Variants in GOLIM4 observed in about 807,000 individuals in gnomAD.
GOLIM4 encodes 130 kDa golgi-localized phosphoprotein.
In GOLIM4, 71 loss-of-function variants were observed where a neutral mutation model predicts 107.4. The observed-to-expected ratio is 0.66, with a 90% confidence interval of 0.55 to 0.81. The LOEUF is 0.81. Among genes scored for constraint, GOLIM4 ranks in the 30% least tolerant of loss-of-function variants. The pLI, the probability that GOLIM4 is intolerant of heterozygous loss-of-function variation, is 0.00. For missense variants in GOLIM4, 830 were observed against 826.1 expected (o/e 1.00, Z -0.06); for synonymous variants, 327 against 294.8 (o/e 1.11, Z -1.12).
intron 9 of GOLIM4, among the ~76,000 whole-genome samples, chr3:168,031,807 C>A (rs879944461): frequency 6.6e-6 from 1 of 152,148 alleles, no homozygotes; most frequent in Admixed American, 6.5e-5. Context: ...ATGTAAAGGC[C>A]AGGTAACCTA....
chr3:168,092,181 A>G (rs1721949419), intron 1 of GOLIM4, among the ~76,000 whole-genome samples: 1 of 152,250 alleles, frequency 6.6e-6, no homozygotes, highest in African/African-American at 2.4e-5. Flanking sequence ...TAAAGGTTAT[A>G]TAAACACTGT....
intron 1 of GOLIM4, among the ~76,000 whole-genome samples, chr3:168,048,887 A>G (rs1719467595): frequency 6.6e-6 from 1 of 152,132 alleles, no homozygotes; most frequent in Non-Finnish European, 1.5e-5. Context: ...ATACCACTGG[A>G]ATGAAAGAGG....
intron 7 of GOLIM4, among the ~76,000 whole-genome samples, chr3:168,038,984 C>T (rs1718814861): frequency 6.6e-6 from 1 of 152,146 alleles, no homozygotes; most frequent in Non-Finnish European, 1.5e-5. Context: ...AGTCTGCAAC[C>T]TGGAAGAAGA....
At chr3:168,077,902 T>C (rs558358900) in intron 1 of GOLIM4, among the ~76,000 whole-genome samples, 1 of 152,292 alleles carries the variant, frequency 6.6e-6, no homozygotes, top group Non-Finnish European at 1.5e-5. Context: ...TAAATGTTTC[T>C]ACAATTTACA....
At chr3:168,028,714 A>G (rs1036278783) in intron 11 of GOLIM4, among the ~76,000 whole-genome samples, 1 of 152,220 alleles carries the variant, frequency 6.6e-6, no homozygotes, top group African/African-American at 2.4e-5. Flanking sequence ...GTATGTAATC[A>G]CTTTCTTTCT....
chr3:168,059,067 T>C (rs918399430), intron 1 of GOLIM4, among the ~76,000 whole-genome samples: 2 of 152,134 alleles, frequency 1.3e-5, no homozygotes, highest in Non-Finnish European at 2.9e-5. Flanking sequence ...GGATAAAATA[T>C]GCAAAAGCAC....
chr3:168,025,166 C>G, intron 12 of GOLIM4, 71 bp from the exon 13 acceptor site: 1 of 1,243,688 alleles, frequency 8.0e-7, no homozygotes, highest in East Asian at 2.3e-5. Flanking sequence ...TTTGAAAAGG[C>G]TGCCCACTGG....
Position 168,095,517 on chromosome 3 carries a change from C to A in GOLIM4, c.-232G>T. On this transcript the variant is annotated 5_prime_UTR_variant, in exon 1 of 16. The change creates a premature stop within an existing upstream ORF in the 5' untranslated region. Coordinates refer to ENST00000470487, the MANE Select transcript of GOLIM4 (RefSeq NM_014498.5). ...GCTGCAGCCAAACTTCTGCGAGGCT[C>A]GTTCTCCGCGAATGCCCGGGGCCGG... The A allele has an allele frequency of 4.1e-6, 2 of 493,628 alleles. No individual in the cohort carries two copies. The allele number at this position is 493,628 out of a possible 1,614,324, so 30.6% of individuals were successfully genotyped here.
At chr3:168,012,736 A>G (rs955488301) in intron 14 of GOLIM4, among the ~76,000 whole-genome samples, 3 of 152,114 alleles carry the variant, frequency 2.0e-5, no homozygotes, top group African/African-American at 7.3e-5. Context: ...GCCAATATTC[A>G]ACATTCTTAA....
rs779394167 is a variant in GOLIM4 at position 168,046,980 on chromosome 3, T to C, written c.282A>G (p.Leu94=). The C allele has an allele frequency of 7.4e-7, 1 of 1,355,126 alleles. No homozygotes were observed. The highest frequency in any genetic ancestry group is 1.3e-5 in the South Asian group (1 of 75,514). The allele number at this position is 1,355,126 out of a possible 1,614,324, so 83.9% of individuals were successfully genotyped here. The change falls in exon 3 of 16, where the codon TTA becomes TTG. Residue 94 remains leucine (L), a synonymous_variant. Coordinates refer to ENST00000470487, the MANE Select transcript of GOLIM4 (RefSeq NM_014498.5). The part of the protein sequence containing the change: ...KAKEDFLVYK[L]EAQETLNKGR... ...CTTTATTTAATGTTTCTTGTGCTTC[T>C]AACTTATAAACAAGAAAATCTAGAA... is the stretch of plus-strand genomic sequence containing the variant.
At chr3:168,046,054 T>C (rs1456485940) in intron 3 of GOLIM4, among the ~76,000 whole-genome samples, 1 of 152,162 alleles carries the variant, frequency 6.6e-6, no homozygotes, top group Non-Finnish European at 1.5e-5. Flanking sequence ...GCTAATATTT[T>C]GTACTTTGAA....
At chr3:168,065,755 G>A (rs537301960) in intron 1 of GOLIM4, among the ~76,000 whole-genome samples, 2 of 152,248 alleles carry the variant, frequency 1.3e-5, no homozygotes, top group East Asian at 3.9e-4. Flanking sequence ...TTCCTCCATG[G>A]ACTCAGCAGA....
chr3:168,053,173 C>A (rs751813681), intron 1 of GOLIM4, among the ~76,000 whole-genome samples: 4 of 152,180 alleles, frequency 2.6e-5, no homozygotes, highest in Non-Finnish European at 5.9e-5. Context: ...GAAAGTCACA[C>A]GAGAAATCAG....
At chr3:168,058,177 T>C (rs1281612003) in intron 1 of GOLIM4, among the ~76,000 whole-genome samples, 3 of 152,352 alleles carry the variant, frequency 2.0e-5, no homozygotes, top group East Asian at 3.9e-4. Context: ...GTTACTGTAA[T>C]AGTTCACACA....
intron 10 of GOLIM4, 48 bp from the exon 11 acceptor site, chr3:168,029,350 G>T: frequency 8.3e-7 from 1 of 1,200,048 alleles, no homozygotes; most frequent in Non-Finnish European, 1.2e-6. Flanking sequence ...AAATTCAGAG[G>T]CACAGTTTGA....
At chr3:168,065,096 C>T (rs1720482795) in intron 1 of GOLIM4, among the ~76,000 whole-genome samples, 1 of 152,154 alleles carries the variant, frequency 6.6e-6, no homozygotes, top group Admixed American at 6.5e-5. Flanking sequence ...CTGACACTAA[C>T]AAATTCACTG....
At chr3:168,051,248 C>T (rs967595751) in intron 1 of GOLIM4, among the ~76,000 whole-genome samples, 1 of 151,882 alleles carries the variant, frequency 6.6e-6, no homozygotes, top group Non-Finnish European at 1.5e-5. Flanking sequence ...GGATGGTATT[C>T]CATTCTTTAT....
At chr3:168,019,722 A>T (rs898259632) in intron 14 of GOLIM4, among the ~76,000 whole-genome samples, 3 of 152,212 alleles carry the variant, frequency 2.0e-5, no homozygotes, top group African/African-American at 7.2e-5. Flanking sequence ...GTTCGATTTT[A>T]AAAATAAGGG....
chr3:168,024,636 G>A, intron 13 of GOLIM4, 42 bp from the exon 14 acceptor site: 2 of 1,476,968 alleles, frequency 1.4e-6, no homozygotes, highest in Non-Finnish European at 1.9e-6. Context: ...CTGTACATCA[G>A]AGATGCCTTT....
Sources: gnomAD v4.1 joint callset for allele counts (sites outside exome capture counted in the v4.1 genomes callset) on GRCh38, gnomAD v4.1.1 for gene constraint, MANE v1.5 for transcripts, NCBI Gene and HGNC (gene_info 2026-07-23, HGNC 2026-07-21) for gene names.